The following SWT1 variants were observed in gnomAD, a reference collection of about 807,000 sequenced individuals.
The protein encoded by SWT1 is SWT1 RNA endoribonuclease homolog, also known as transcriptional protein SWT1.
A neutral mutation model predicts 107.3 loss-of-function variants in SWT1; 33 were observed. The ratio of observed to expected loss-of-function variants is 0.31; its 90% CI spans 0.23 to 0.41. The LOEUF is 0.41. Ranked by LOEUF, SWT1 falls within the 10% of genes least tolerant of loss-of-function variation. The pLI, the probability that SWT1 is intolerant of heterozygous loss-of-function variation, is 1.00. For missense variants in SWT1, 898 were observed against 1,028.9 expected (o/e 0.87, Z 1.74); for synonymous variants, 345 against 348.3 (o/e 0.99, Z 0.11).
intron 1 of SWT1, among the ~76,000 whole-genome samples, chr1:185,159,046 G>A (rs950324449): frequency 2.0e-5 from 3 of 152,314 alleles, no homozygotes; most frequent in Non-Finnish European, 4.4e-5. Context: ...CTTTCCATGG[G>A]CTGTTTGAGT....
At chr1:185,269,849 C>T (rs1663722515) in intron 16 of SWT1, among the ~76,000 whole-genome samples, 1 of 152,068 alleles carries the variant, frequency 6.6e-6, no homozygotes. Flanking sequence ...CTTGACTTAC[C>T]ATGGGGTTAG....
chr1:185,235,930 G>A (rs1180753630), intron 16 of SWT1, among the ~76,000 whole-genome samples: 1 of 152,108 alleles, frequency 6.6e-6, no homozygotes, highest in Non-Finnish European at 1.5e-5. Flanking sequence ...AATCAAGAGT[G>A]AACTCCCATT....
In SWT1 at chr1:185,290,722, C is replaced by T; in HGVS notation, c.2622C>T (p.Thr874=). The T allele has an allele frequency of 6.2e-7, 1 of 1,606,064 alleles. No individual in the cohort carries two copies. Among genetic ancestry groups the T allele is most frequent in the East Asian group, 2.2e-5 (1 of 44,498 alleles). Residue 874 remains threonine, a synonymous_variant, in exon 19 of 19, where the codon ACC becomes ACT. Coordinates refer to ENST00000367500, the MANE Select transcript of SWT1 (RefSeq NM_017673.7). ...GCCAGCTGGTTGAGATGGAATATACCATGCAGCAGTGCAATGCATCTGTTT... is the reference window on the plus strand; with the variant it reads ...GCCAGCTGGTTGAGATGGAATATACTATGCAGCAGTGCAATGCATCTGTTT... ...GCRQLVEMEY[T]MQQCNASVYM...
rs754209280 is a variant in SWT1, at chr1:185,175,122, G to A, written c.966+9G>A. The stretch of plus-strand genomic sequence containing the variant: ...GGGAAAACCTAACCCAGGTAAGGTA[G>A]TAAAAAATGAAGAATATAGGTTTTA... On this transcript the variant is annotated intron_variant, in intron 5 of 18. Coordinates refer to ENST00000367500, the MANE Select transcript of SWT1 (RefSeq NM_017673.7). The A allele has an allele frequency of 6.1e-6, 9 of 1,487,034 alleles. No homozygotes were observed. The highest frequency in any genetic ancestry group is 4.7e-5 in the East Asian group (2 of 42,124). The allele number at this position is 1,487,034 out of a possible 1,614,324, so 92.1% of individuals were successfully genotyped here. A position where few individuals can be genotyped will look rare whatever the true frequency, so the allele number is the denominator to read the frequency against.
Position 185,177,045 on chromosome 1 carries a change from G to C in SWT1, c.966+1932G>C, listed in dbSNP as rs564584417. On this transcript the variant is annotated intron_variant, in intron 5 of 18. Coordinates refer to ENST00000367500, the MANE Select transcript of SWT1 (RefSeq NM_017673.7). ...TAAGATATTTCTTACGAAAAATGGA[G>C]GAATTATAACTAAGGAGGCCAGAAG... The C allele has an allele frequency of 2.0e-4, 200 of 982,744 alleles. No individual in the cohort carries two copies. The African/African-American group carries it at 3.3e-3, about 16-fold the overall frequency. The allele number at this position is 982,744 out of a possible 1,614,324, so 60.9% of individuals were successfully genotyped here.
At chr1:185,267,580 A>G (rs1198514169) in intron 16 of SWT1, among the ~76,000 whole-genome samples, 1 of 152,204 alleles carries the variant, frequency 6.6e-6, no homozygotes, top group Non-Finnish European at 1.5e-5. Context: ...ATTATAAACC[A>G]CTTGAGGATA....
rs1169548017 is a variant in SWT1, at chr1:185,201,035, G to A, written c.1524-1619G>A. On this transcript the variant is annotated intron_variant, in intron 10 of 18. Coordinates refer to ENST00000367500, the MANE Select transcript of SWT1 (RefSeq NM_017673.7). ...TTTGCCGAGTCTAAACTTCCTGGGG[G>A]CTTTGTTTACACTGTGAGGGTAAAA... Among the ~76,000 whole-genome samples the A allele has an allele frequency of 2.0e-5, 3 of 152,102 alleles. No individual in the cohort carries two copies. The East Asian group carries it at 5.8e-4, about 29-fold the overall frequency.
intron 16 of SWT1, 109 bp downstream of exon 16, chr1:185,231,817 C>A: frequency 1.4e-6 from 1 of 705,382 alleles, no homozygotes; most frequent in Admixed American, 2.7e-5. Flanking sequence ...TAGACCGTGG[C>A]ACTTTATAGC....
chr1:185,190,525 C>G, intron 9 of SWT1, 24 bp from the exon 10 acceptor site: 1 of 1,370,704 alleles, frequency 7.3e-7, no homozygotes, highest in Non-Finnish European at 1.0e-6. Context: ...TACTTACTGA[C>G]TGTTGCCTTT....
intron 16 of SWT1, among the ~76,000 whole-genome samples, chr1:185,253,408 T>C (rs1180642585): frequency 5.9e-5 from 9 of 152,098 alleles, no homozygotes; most frequent in East Asian, 1.9e-4. Context: ...ATTCTTCCTA[T>C]CCATGAGCAT....
At chr1:185,166,906 A>T (rs1654622107) in intron 3 of SWT1, among the ~76,000 whole-genome samples, 1 of 151,962 alleles carries the variant, frequency 6.6e-6, no homozygotes, top group Admixed American at 6.6e-5. Context: ...ATATGGTTTT[A>T]TATATATATA....
intron 16 of SWT1, among the ~76,000 whole-genome samples, chr1:185,255,211 G>A (rs893484634): frequency 1.7e-4 from 26 of 151,992 alleles, no homozygotes; most frequent in South Asian, 4.1e-4. Flanking sequence ...TATGTGGTCA[G>A]TTTTGGAATA....
rs35563775 is a variant in SWT1 at position 185,174,569 on chromosome 1, G to T, written c.422G>T (p.Gly141Val). 2.4e-4 allele frequency: 379 copies of T among 1,606,992 alleles called. 1 individual carries two copies. The African/African-American group carries it at 4.6e-3, about 20-fold the overall frequency. ...KPKDIKLTNA[G>V]SKLDHGIKSL... is the part of the protein sequence containing the mutation. Reference sequence around the variant, plus strand: ...AAAGATATCAAATTGACAAATGCTGGGAGCAAGCTTGACCATGGAATTAAA... The same window carrying T: ...AAAGATATCAAATTGACAAATGCTGTGAGCAAGCTTGACCATGGAATTAAA... Residue 141 changes from glycine to valine, a missense_variant, in exon 5 of 19, where the codon GGG becomes GTG. Transcript: ENST00000367500.
At chr1:185,236,826 G>A (rs1230439048) in intron 16 of SWT1, among the ~76,000 whole-genome samples, 1 of 152,046 alleles carries the variant, frequency 6.6e-6, no homozygotes, top group African/African-American at 2.4e-5. Context: ...CTGACAAAGG[G>A]CTAATATCCA....
At chr1:185,230,657 T>C (rs907641864) in intron 15 of SWT1, among the ~76,000 whole-genome samples, 6 of 152,208 alleles carry the variant, frequency 3.9e-5, no homozygotes, top group African/African-American at 1.4e-4. Flanking sequence ...TCTTATGTTA[T>C]AAAGTAAATT....
At chr1:185,193,334 T>C (rs1031487136) in intron 10 of SWT1, among the ~76,000 whole-genome samples, 1 of 152,232 alleles carries the variant, frequency 6.6e-6, no homozygotes. Flanking sequence ...TTTTAGTGAA[T>C]GTTTTCTGTG....
At position 185,291,071 on chromosome 1, in the gene SWT1, G is replaced by C. The variant is rs189795024; in HGVS notation, c.*268G>C. On this transcript the variant is annotated 3_prime_UTR_variant, in exon 19 of 19. Transcript: ENST00000367500. ...CTTGATAGTGAGCCAGTATCTCTAA[G>C]GAAAGGAGAGCCGTATTTTTAGTCA... 4.9e-6 allele frequency: 1 copy of C among 203,406 alleles called. No homozygotes were observed. The highest frequency in any genetic ancestry group is 1.1e-4 in the East Asian group (1 of 8,980). The allele number at this position is 203,406 out of a possible 1,614,324, so 12.6% of individuals were successfully genotyped here. A position where few individuals can be genotyped will look rare whatever the true frequency, so the allele number is the denominator to read the frequency against.
intron 15 of SWT1, chr1:185,227,756 C>A: frequency 2.3e-6 from 1 of 434,478 alleles, no homozygotes; most frequent in South Asian, 1.9e-5. Flanking sequence ...GGCCCAGCAG[C>A]TCTAGCGGGG....
At chr1:185,265,075 T>G (rs1277671291) in intron 16 of SWT1, among the ~76,000 whole-genome samples, 3 of 152,194 alleles carry the variant, frequency 2.0e-5, no homozygotes, top group Non-Finnish European at 2.9e-5. Flanking sequence ...TCTAGTATTC[T>G]GAATAGATCA....
Sources: allele counts gnomAD v4.1 joint callset (sites outside exome capture counted in the v4.1 genomes callset), GRCh38; gene constraint gnomAD v4.1.1; transcripts MANE v1.5; gene names NCBI Gene and HGNC (gene_info 2026-07-23, HGNC 2026-07-21).